The following TGFBR3 variants were observed in gnomAD, a reference collection of about 807,000 sequenced individuals.
The protein encoded by TGFBR3 is transforming growth factor beta receptor 3.
A neutral mutation model predicts 87.9 loss-of-function variants in TGFBR3; 46 were observed. The ratio of observed to expected loss-of-function variants is 0.52; its 90% CI spans 0.41 to 0.67. TGFBR3 has a LOEUF of 0.67. Among genes scored for constraint, TGFBR3 ranks in the 30% least tolerant of loss-of-function variants. TGFBR3 has a pLI of 0.00. For missense variants in TGFBR3, 866 were observed against 1,041.9 expected, an observed-to-expected ratio of 0.83 and a Z score of 2.32; for synonymous variants, 381 against 391.6, an observed-to-expected ratio of 0.97 and a Z score of 0.32.
chr1:91,820,996 A>G (rs1180372869), intron 2 of TGFBR3, among the ~76,000 whole-genome samples: 1 of 152,152 alleles, frequency 6.6e-6, no homozygotes, highest in Non-Finnish European at 1.5e-5. Context: ...CCATCCTTCT[A>G]TGAGGTTGAC....
chr1:91,687,261 G>A (rs373432290), intron 16 of TGFBR3, among the ~76,000 whole-genome samples: 1 of 152,160 alleles, frequency 6.6e-6, no homozygotes, highest in Non-Finnish European at 1.5e-5. Context: ...AGAGACTGCA[G>A]TGAGCTATGA....
At chr1:91,752,745 G>A (rs977739594) in intron 4 of TGFBR3, among the ~76,000 whole-genome samples, 4 of 151,988 alleles carry the variant, frequency 2.6e-5, no homozygotes, top group African/African-American at 7.2e-5. Flanking sequence ...ATTAGAGGCC[G>A]GGCATAGTGG....
chr1:91,815,325 A>AAACTAAACTAAACTAAACTAAACT (rs1676181757), intron 2 of TGFBR3, among the ~76,000 whole-genome samples: 13 of 124,276 alleles, frequency 1.0e-4, no homozygotes, highest in Non-Finnish European at 1.0e-4. Flanking sequence ...ATAAAATAAA[A>AAACTAAACTAAACTAAACTAAACT]TAAAATAAAA....
intron 4 of TGFBR3, among the ~76,000 whole-genome samples, chr1:91,748,722 GTAT>G (rs56351917): frequency 0.53 from 79,117 of 148,262 alleles, 21,052 homozygotes; most frequent in South Asian, 0.55. Context: ...ATTCTGGAAA[GTAT>G]TATTATTATT....
intron 3 of TGFBR3, among the ~76,000 whole-genome samples, chr1:91,768,325 A>T (rs77105144): frequency 1.2e-4 from 18 of 152,174 alleles, no homozygotes; most frequent in Non-Finnish European, 2.4e-4. Flanking sequence ...AACTTTGTAC[A>T]TATAAACTAT....
In TGFBR3 at chr1:91,749,727, G is replaced by A. The variant is rs987171725; in HGVS notation, c.384+8886C>T. 5.9e-5 allele frequency among the ~76,000 whole-genome samples: 9 copies of A among 152,250 alleles called. No individual in the cohort carries two copies. The East Asian group carries it at 1.4e-3, about 23-fold the overall frequency. Reference sequence around the variant, plus strand: ...GCATCACTGTCTATAATTTATGAGCGGAACAAGGCACAGCCACAGCCTTCA... The same window carrying A: ...GCATCACTGTCTATAATTTATGAGCAGAACAAGGCACAGCCACAGCCTTCA... On this transcript the variant is annotated intron_variant, in intron 4 of 16. Transcript: ENST00000212355.
At chr1:91,807,814 G>A (rs1037525215) in intron 2 of TGFBR3, among the ~76,000 whole-genome samples, 12 of 152,174 alleles carry the variant, frequency 7.9e-5, no homozygotes, top group African/African-American at 2.9e-4. Flanking sequence ...GAAGCACCGG[G>A]AAATAGTGAA....
upstream of TGFBR3, among the ~76,000 whole-genome samples, chr1:91,890,197 G>C (rs983575520): frequency 3.9e-5 from 6 of 152,026 alleles, no homozygotes; most frequent in African/African-American, 1.2e-4. Flanking sequence ...TTTGCCAGCA[G>C]AGTTTCAGTG....
rs33915205 is a variant in TGFBR3, at chr1:91,833,295, C to CAAAAA, written c.61+28171_61+28175dup. ...CAGGCGACAGTAGGAGACTCCGACT[C>CAAAAA]AAAAAAAAAAAAAAAAAAAAACAGG... On this transcript the variant is annotated intron_variant, in intron 2 of 16. Coordinates refer to ENST00000212355, the MANE Select transcript of TGFBR3 (RefSeq NM_003243.5). Among the ~76,000 whole-genome samples, 20 of 32,052 alleles carry CAAAAA rather than the reference C, an allele frequency of 6.2e-4. 4 individuals are homozygous for CAAAAA. Among genetic ancestry groups the CAAAAA allele is most frequent in the African/African-American group, 2.6e-3 (20 of 7,666 alleles). 21.0% of individuals were successfully genotyped at this position (32,052 alleles called of 152,430 possible).
At position 91,716,111 on chromosome 1, in the gene TGFBR3, A is replaced by G. The variant is rs1183610126; in HGVS notation, c.1866+125T>C. ...GAAGCGTTCTCTGAGCCAATCCCTC[A>G]TCAGACCTGTTGAAGGTCTGTGAGG... On this transcript the variant is annotated intron_variant, in intron 12 of 16. Transcript: ENST00000212355. 5.9e-6 allele frequency: 7 copies of G among 1,184,422 alleles called. No homozygotes were observed. In the Admixed American group the frequency reaches 1.2e-4, roughly 20 times the overall value. 73.4% of individuals were successfully genotyped at this position (1,184,422 alleles called of 1,614,324 possible).
Position 91,681,212 on chromosome 1 carries a change from T to A in TGFBR3, c.*2527A>T, listed in dbSNP as rs946639945. 2 of 450,624 alleles carry A rather than the reference T, an allele frequency of 4.4e-6. No individual in the cohort carries two copies. Among genetic ancestry groups the A allele is most frequent in the African/African-American group, 2.0e-5 (1 of 49,778 alleles). 27.9% of individuals were successfully genotyped at this position (450,624 alleles called of 1,614,324 possible). ...CTGTAAAGTGTGAAGCAATTAGAAA[T>A]ACTGTAATGAGAAGCTAGGGAGAAA... On this transcript the variant is annotated 3_prime_UTR_variant, in exon 17 of 17. Coordinates refer to ENST00000212355, the MANE Select transcript of TGFBR3 (RefSeq NM_003243.5).
At chr1:91,774,568 C>A (rs1260848937) in intron 3 of TGFBR3, among the ~76,000 whole-genome samples, 1 of 152,052 alleles carries the variant, frequency 6.6e-6, no homozygotes, top group Non-Finnish European at 1.5e-5. Flanking sequence ...AACAGTATCC[C>A]ACTGTCAGGT....
At chr1:91,762,533 C>T (rs186471375) in intron 3 of TGFBR3, among the ~76,000 whole-genome samples, 4 of 152,316 alleles carry the variant, frequency 2.6e-5, no homozygotes, top group East Asian at 3.9e-4. Context: ...TGCAGTTTCT[C>T]GTGAAACCCG....
At chr1:91,761,001 CTATT>C (rs1673941035) in intron 3 of TGFBR3, among the ~76,000 whole-genome samples, 2 of 152,162 alleles carry the variant, frequency 1.3e-5, no homozygotes, top group African/African-American at 4.8e-5. Context: ...AAAGGTTTCT[CTATT>C]TATTTATTCA....
chr1:91,700,295 C>G (rs528215637), intron 14 of TGFBR3, among the ~76,000 whole-genome samples: 1 of 152,188 alleles, frequency 6.6e-6, no homozygotes, highest in Non-Finnish European at 1.5e-5. Context: ...AGAAGGAACA[C>G]ACACCTTATG....
At chr1:91,796,648 GA>G (rs1398933076) in intron 3 of TGFBR3, among the ~76,000 whole-genome samples, 14 of 152,216 alleles carry the variant, frequency 9.2e-5, no homozygotes, top group Admixed American at 9.2e-4. Context: ...GAGGAAATGG[GA>G]AAGACATTTC....
At chr1:91,693,985 C>T (rs1250449929) in intron 16 of TGFBR3, among the ~76,000 whole-genome samples, 1 of 152,088 alleles carries the variant, frequency 6.6e-6, no homozygotes, top group Non-Finnish European at 1.5e-5. Context: ...TTATATAATA[C>T]TCCAGAATCA....
chr1:91,883,619 C>T (rs1679183350), intron 1 of TGFBR3, among the ~76,000 whole-genome samples: 1 of 152,110 alleles, frequency 6.6e-6, no homozygotes, highest in African/African-American at 2.4e-5. Context: ...GAACTCCCCA[C>T]GGGTTGCCTT....
chr1:91,902,814 A>C (rs1679760478), intron 1 of TGFBR3, among the ~76,000 whole-genome samples: 1 of 151,986 alleles, frequency 6.6e-6, no homozygotes, highest in Admixed American at 6.6e-5. Context: ...GGTCAGGAGT[A>C]GAGTTCGCAT....
Sources: gnomAD v4.1 joint callset for allele counts (sites outside exome capture counted in the v4.1 genomes callset) on GRCh38, gnomAD v4.1.1 for gene constraint, MANE v1.5 for transcripts, NCBI Gene and HGNC (gene_info 2026-07-23, HGNC 2026-07-21) for gene names.